KCTD16: variants seen among roughly 807,000 people sequenced by gnomAD.
KCTD16 encodes potassium channel tetramerization domain containing 16.
Under a neutral mutation model 33.2 loss-of-function variants are expected in KCTD16, and 13 were observed. The ratio of observed to expected loss-of-function variants is 0.39; its 90% CI spans 0.25 to 0.62. The LOEUF is 0.62. Among genes scored for constraint, KCTD16 ranks in the 20% least tolerant of loss-of-function variants. KCTD16 has a pLI of 0.50. For missense variants in KCTD16, 441 were observed against 525.1 expected (o/e 0.84, Z 1.57); for synonymous variants, 197 against 195.3 (o/e 1.01, Z -0.07).
intron 3 of KCTD16, among the ~76,000 whole-genome samples, chr5:144,247,358 G>T (rs570924849): frequency 6.6e-6 from 1 of 152,186 alleles, no homozygotes. Flanking sequence ...CAGGCACACA[G>T]AGAGACTACT....
intron 3 of KCTD16, among the ~76,000 whole-genome samples, chr5:144,396,374 T>A (rs932978514): frequency 6.6e-6 from 1 of 152,198 alleles, no homozygotes; most frequent in Non-Finnish European, 1.5e-5. Flanking sequence ...GCCACCCATT[T>A]TGGAAACACA....
intron 3 of KCTD16, among the ~76,000 whole-genome samples, chr5:144,468,128 G>T (rs1236132047): frequency 6.6e-6 from 1 of 152,090 alleles, no homozygotes; most frequent in Non-Finnish European, 1.5e-5. Flanking sequence ...GCACCAGCAG[G>T]CCACATGCCC....
chr5:144,449,483 C>A (rs1753893938), intron 3 of KCTD16, among the ~76,000 whole-genome samples: 1 of 151,844 alleles, frequency 6.6e-6, no homozygotes, highest in Admixed American at 6.6e-5. Context: ...ATCAGACTTC[C>A]TAGTTTCAAA....
chr5:144,457,908 C>T (rs982343216), intron 3 of KCTD16, among the ~76,000 whole-genome samples: 1 of 152,180 alleles, frequency 6.6e-6, no homozygotes, highest in South Asian at 2.1e-4. Flanking sequence ...GTGCATACAA[C>T]TGCCCATTGG....
chr5:144,361,452 G>A (rs1257920995), intron 3 of KCTD16, among the ~76,000 whole-genome samples: 7 of 152,142 alleles, frequency 4.6e-5, no homozygotes, highest in African/African-American at 1.7e-4. Context: ...GTCCTGGTTT[G>A]AATGATAAGT....
At chr5:144,467,614 A>G (rs559973113) in intron 3 of KCTD16, among the ~76,000 whole-genome samples, 2 of 152,312 alleles carry the variant, frequency 1.3e-5, no homozygotes, top group South Asian at 4.1e-4. Context: ...CTGAAAGTAG[A>G]AAGATGCGTG....
chr5:144,451,632 A>C (rs1377868796), intron 3 of KCTD16, among the ~76,000 whole-genome samples: 1 of 152,200 alleles, frequency 6.6e-6, no homozygotes, highest in African/African-American at 2.4e-5. Flanking sequence ...TAACACTTCT[A>C]TTGAAACAGA....
At chr5:144,195,159 A>G (rs1178437060) in intron 2 of KCTD16, among the ~76,000 whole-genome samples, 2 of 152,094 alleles carry the variant, frequency 1.3e-5, no homozygotes, top group Non-Finnish European at 2.9e-5. Flanking sequence ...CCATCCCCCA[A>G]TTGTTAAACT....
At chr5:144,198,913 T>C (rs1341216863) in intron 2 of KCTD16, among the ~76,000 whole-genome samples, 1 of 152,204 alleles carries the variant, frequency 6.6e-6, no homozygotes, top group Non-Finnish European at 1.5e-5. Flanking sequence ...CTCATGATTA[T>C]ATAGCTGGTA....
At chr5:144,300,974 G>T (rs1751423189) in intron 3 of KCTD16, among the ~76,000 whole-genome samples, 1 of 152,122 alleles carries the variant, frequency 6.6e-6, no homozygotes, top group Admixed American at 6.6e-5. Flanking sequence ...ACGGCACAGT[G>T]GCTTACTCCT....
At chr5:144,392,702 A>G (rs1004359397) in intron 3 of KCTD16, among the ~76,000 whole-genome samples, 2 of 152,208 alleles carry the variant, frequency 1.3e-5, no homozygotes, top group Non-Finnish European at 2.9e-5. Context: ...GAACCTTTCA[A>G]AACTGACTTT....
intron 3 of KCTD16, among the ~76,000 whole-genome samples, chr5:144,470,085 C>T (rs1482975496): frequency 6.6e-6 from 1 of 152,050 alleles, no homozygotes; most frequent in Non-Finnish European, 1.5e-5. Flanking sequence ...AGTATTGAAA[C>T]TTCAGCAAAT....
At chr5:144,243,664 C>T (rs988195955) in intron 3 of KCTD16, among the ~76,000 whole-genome samples, 1 of 152,174 alleles carries the variant, frequency 6.6e-6, no homozygotes. Context: ...ACGGTACTAG[C>T]TACCCTGGGT....
At chr5:144,299,807 T>G (rs1240234552) in intron 3 of KCTD16, among the ~76,000 whole-genome samples, 2 of 151,440 alleles carry the variant, frequency 1.3e-5, no homozygotes, top group Non-Finnish European at 2.9e-5. Flanking sequence ...AAACCTGTAA[T>G]TAAGTATGAA....
chr5:144,213,120 C>A (rs1400483339), intron 3 of KCTD16, among the ~76,000 whole-genome samples: 4 of 151,966 alleles, frequency 2.6e-5, no homozygotes, highest in African/African-American at 4.8e-5. Context: ...TATCAAATAT[C>A]TAGTCAGTGT....
chr5:144,213,364 C>A (rs1753458233), intron 3 of KCTD16, among the ~76,000 whole-genome samples: 1 of 150,616 alleles, frequency 6.6e-6, no homozygotes, highest in South Asian at 2.1e-4. Context: ...TTTTCCCTTC[C>A]CTTCCCTTCT....
intron 3 of KCTD16, among the ~76,000 whole-genome samples, chr5:144,354,621 A>T (rs1751530744): frequency 6.6e-6 from 1 of 152,186 alleles, no homozygotes; most frequent in Admixed American, 6.5e-5. Flanking sequence ...TGAAATTAAG[A>T]TCTTAGTTCT....
chr5:144,455,655 A>C (rs1754045401), intron 3 of KCTD16, among the ~76,000 whole-genome samples: 1 of 152,174 alleles, frequency 6.6e-6, no homozygotes, highest in South Asian at 2.1e-4. Flanking sequence ...GTGGCCAGGA[A>C]AGAAGTAATT....
chr5:144,292,561 T>C (rs1221515823), intron 3 of KCTD16, among the ~76,000 whole-genome samples: 1 of 152,156 alleles, frequency 6.6e-6, no homozygotes, highest in Non-Finnish European at 1.5e-5. Flanking sequence ...AGAGAAACTG[T>C]TCAATATGGA....
Sources: gnomAD v4.1 joint callset for allele counts (sites outside exome capture counted in the v4.1 genomes callset) on GRCh38, gnomAD v4.1.1 for gene constraint, MANE v1.5 for transcripts, NCBI Gene and HGNC (gene_info 2026-07-23, HGNC 2026-07-21) for gene names.